Variants in RALA observed in about 807,000 individuals in gnomAD.
The protein encoded by RALA is ras-related protein Ral-A.
A neutral mutation model predicts 24.0 loss-of-function variants in RALA; 5 were observed. The ratio of observed to expected loss-of-function variants is 0.21; its 90% CI spans 0.11 to 0.44. The LOEUF (loss-of-function observed/expected upper bound fraction) is 0.44, where lower values mean the gene tolerates loss of function less well. RALA is among the 20% of genes least tolerant of loss of function. The pLI is 0.99. For missense variants in RALA, 95 were observed against 241.2 expected, an observed-to-expected ratio of 0.39 and a Z score of 4.01; for synonymous variants, 77 against 83.8, an observed-to-expected ratio of 0.92 and a Z score of 0.44.
At chr7:39,635,077 T>C (rs1394205452) in intron 1 of RALA, among the ~76,000 whole-genome samples, 1 of 152,166 alleles carries the variant, frequency 6.6e-6, no homozygotes, top group Non-Finnish European at 1.5e-5. Context: ...TTGCCAGGTG[T>C]GGTGGCTCAC....
At chr7:39,661,863 A>T (rs1486518728) in intron 1 of RALA, among the ~76,000 whole-genome samples, 2 of 152,128 alleles carry the variant, frequency 1.3e-5, no homozygotes, top group East Asian at 3.9e-4. Flanking sequence ...TCCCTTCTGC[A>T]CTGCCTTAGC....
At position 39,642,455 on chromosome 7, in the gene RALA, A is replaced by G. The variant is rs78252414; in HGVS notation, c.-38+18630A>G. Reference sequence around the variant, plus strand: ...ATCCTATATCCTGCCTTTAGGTAGAAAAGAGAGAGGGTAGAGATAGATTTT... The same window carrying G: ...ATCCTATATCCTGCCTTTAGGTAGAGAAGAGAGAGGGTAGAGATAGATTTT... On this transcript the variant is annotated intron_variant, in intron 1 of 4. Coordinates refer to ENST00000005257, the MANE Select transcript of RALA (RefSeq NM_005402.4). 2.0e-5 allele frequency among the ~76,000 whole-genome samples: 3 copies of G among 152,286 alleles called. No homozygotes were observed. The East Asian group carries it at 5.8e-4, about 29-fold the overall frequency.
chr7:39,629,687 C>A (rs915901460), intron 1 of RALA, among the ~76,000 whole-genome samples: 1 of 152,160 alleles, frequency 6.6e-6, no homozygotes, highest in African/African-American at 2.4e-5. Context: ...CCTCTGCCTC[C>A]TAGGTTCAAG....
chr7:39,699,121 A>ATTTATT (rs1792971783), intron 4 of RALA, among the ~76,000 whole-genome samples: 7 of 61,372 alleles, frequency 1.1e-4, no homozygotes, highest in African/African-American at 1.6e-4. Flanking sequence ...TAAAAATGTT[A>ATTTATT]TTTTTTTTTT....
At chr7:39,696,648 TA>T in intron 3 of RALA, 36 bp from the exon 4 acceptor site, 1 of 1,511,958 alleles carries the variant, frequency 6.6e-7, no homozygotes, top group Non-Finnish European at 9.0e-7. Flanking sequence ...GCTATCCTTA[TA>T]ATGTTAATAT....
intron 2 of RALA, 133 bp from the exon 3 acceptor site, chr7:39,690,248 TG>T (rs1357800398): frequency 1.5e-6 from 1 of 665,120 alleles, no homozygotes; most frequent in African/African-American, 1.8e-5. Context: ...TTTTTACCAT[TG>T]GAGGAATCTG....
intron 1 of RALA, among the ~76,000 whole-genome samples, chr7:39,652,577 C>T (rs1369833328): frequency 6.6e-6 from 1 of 152,074 alleles, no homozygotes; most frequent in African/African-American, 2.4e-5. Flanking sequence ...TAACATAAAC[C>T]TGTTGGAGTG....
chr7:39,627,078 T>C (rs1791503378), intron 1 of RALA, among the ~76,000 whole-genome samples: 2 of 124,168 alleles, frequency 1.6e-5, no homozygotes, highest in South Asian at 4.7e-4. Flanking sequence ...TCTCTCTCTC[T>C]TTTTTTTTTT....
At chr7:39,633,957 T>A (rs1215249224) in intron 1 of RALA, among the ~76,000 whole-genome samples, 3 of 152,224 alleles carry the variant, frequency 2.0e-5, no homozygotes, top group Non-Finnish European at 2.9e-5. Flanking sequence ...GCGTATTTTC[T>A]GTAGATTCTT....
In RALA at chr7:39,636,490, G is replaced by A. The variant is rs144244908; in HGVS notation, c.-38+12665G>A. Among the ~76,000 whole-genome samples the A allele has an allele frequency of 9.2e-5, 14 of 152,190 alleles. No homozygotes were observed. The East Asian group carries it at 1.7e-3, about 19-fold the overall frequency. ...TAAGTTATCTATATTTTAGCATATC[G>A]TGTATGCCTTTTCTTCTTAGATCTC... On this transcript the variant is annotated intron_variant, in intron 1 of 4. Transcript: ENST00000005257.
At chr7:39,658,405 T>C (rs1459372338) in intron 1 of RALA, among the ~76,000 whole-genome samples, 2 of 152,206 alleles carry the variant, frequency 1.3e-5, no homozygotes, top group Admixed American at 6.5e-5. Context: ...GTATGTTCAG[T>C]CTGTTGGATA....
At chr7:39,702,014 A>AGAG (rs1793037532) in intron 4 of RALA, among the ~76,000 whole-genome samples, 1 of 152,236 alleles carries the variant, frequency 6.6e-6, no homozygotes, top group Non-Finnish European at 1.5e-5. Flanking sequence ...AGCAAATATT[A>AGAG]ACAGATGTCC....
At chr7:39,624,763 T>G (rs904480320) in intron 1 of RALA, among the ~76,000 whole-genome samples, 4 of 151,794 alleles carry the variant, frequency 2.6e-5, no homozygotes, top group Admixed American at 6.6e-5. Flanking sequence ...TTGTGTGGTG[T>G]GGGGGGGGAA....
At chr7:39,681,532 A>T (rs939715618) in intron 1 of RALA, among the ~76,000 whole-genome samples, 2 of 151,762 alleles carry the variant, frequency 1.3e-5, no homozygotes, top group Non-Finnish European at 2.9e-5. Context: ...AACAACCTCC[A>T]TCTTGCACAG....
At chr7:39,629,004 G>A (rs1471398041) in intron 1 of RALA, among the ~76,000 whole-genome samples, 3 of 152,118 alleles carry the variant, frequency 2.0e-5, no homozygotes, top group South Asian at 2.1e-4. Context: ...TAGTTTTCTC[G>A]ACTAATGTCC....
At chr7:39,681,092 G>GAGT (rs924654796) in intron 1 of RALA, among the ~76,000 whole-genome samples, 4 of 152,074 alleles carry the variant, frequency 2.6e-5, no homozygotes, top group Non-Finnish European at 4.4e-5. Context: ...TTTGCTCCTA[G>GAGT]AGTTCACTCT....
At chr7:39,683,976 T>A (rs1042033146) in intron 1 of RALA, among the ~76,000 whole-genome samples, 2 of 152,164 alleles carry the variant, frequency 1.3e-5, no homozygotes, top group Non-Finnish European at 2.9e-5. Flanking sequence ...TGATTATAAC[T>A]GCCAGCAAGT....
At chr7:39,688,999 G>A (rs1028655523) in intron 2 of RALA, among the ~76,000 whole-genome samples, 11 of 152,166 alleles carry the variant, frequency 7.2e-5, no homozygotes, top group Non-Finnish European at 1.6e-4. Flanking sequence ...GCGAGCAAGG[G>A]AGGAAGTGCC....
At chr7:39,681,712 C>T (rs1792606704) in intron 1 of RALA, among the ~76,000 whole-genome samples, 1 of 152,060 alleles carries the variant, frequency 6.6e-6, no homozygotes, top group Non-Finnish European at 1.5e-5. Flanking sequence ...TCATCTTCTC[C>T]CTAAGAAAGC....
Sources: allele counts gnomAD v4.1 joint callset (sites outside exome capture counted in the v4.1 genomes callset), GRCh38; gene constraint gnomAD v4.1.1; transcripts MANE v1.5; gene names NCBI Gene and HGNC (gene_info 2026-07-23, HGNC 2026-07-21).